GRID2: variants seen among roughly 807,000 people sequenced by gnomAD.
GRID2 encodes the protein glutamate ionotropic receptor delta type subunit 2.
Under a neutral mutation model 114.8 loss-of-function variants are expected in GRID2, and 33 were observed. The observed-to-expected ratio is 0.29, with a 90% confidence interval of 0.22 to 0.38. The LOEUF is 0.38. Among genes scored for constraint, GRID2 ranks in the 10% least tolerant of loss-of-function variants. The pLI, the probability that GRID2 is intolerant of heterozygous loss-of-function variation, is 1.00. For synonymous variants in GRID2, 505 were observed against 449.9 expected, an observed-to-expected ratio of 1.12 and a Z score of -1.55; for missense variants, 1,184 against 1,257.7, an observed-to-expected ratio of 0.94 and a Z score of 0.89.
At chr4:92,918,706 G>T (rs771632496) in intron 2 of GRID2, among the ~76,000 whole-genome samples, 10 of 151,988 alleles carry the variant, frequency 6.6e-5, no homozygotes, top group South Asian at 6.2e-4. Context: ...GAAGCCCACT[G>T]GATCATGGTG....
At chr4:92,569,295 C>T (rs1419498334) in intron 1 of GRID2, among the ~76,000 whole-genome samples, 1 of 152,066 alleles carries the variant, frequency 6.6e-6, no homozygotes. Context: ...ATGCAAATAA[C>T]ATGATCTCAT....
At position 92,994,672 on chromosome 4, in the gene GRID2, T is replaced by A. The variant is rs77395064; in HGVS notation, c.245-90323T>A. Among the ~76,000 whole-genome samples, 368 of 152,256 alleles carry A rather than the reference T, an allele frequency of 2.4e-3. 1 individual carries two copies. The highest frequency in any genetic ancestry group is 0.024 in the Middle Eastern group (7 of 292). ...TTTTACAAGAAAAGCTGGCTCTCAA[T>A]TGATGTTCAACACATGCAACATATA... On this transcript the variant is annotated intron_variant, in intron 2 of 15. Transcript: ENST00000282020.
chr4:92,668,983 C>A (rs62309234), intron 2 of GRID2, among the ~76,000 whole-genome samples: 9,247 of 151,848 alleles, frequency 0.061, 342 homozygotes, highest in East Asian at 0.16. Context: ...ATTTGGTCAT[C>A]ATTAAGAGAT....
At chr4:92,588,310 TAATAA>T (rs1728547347) in intron 1 of GRID2, among the ~76,000 whole-genome samples, 1 of 151,942 alleles carries the variant, frequency 6.6e-6, no homozygotes, top group Admixed American at 6.6e-5. Context: ...TATATTTGAT[TAATAA>T]AATAATAATA....
intron 1 of GRID2, among the ~76,000 whole-genome samples, chr4:92,542,845 A>G (rs1300534580): frequency 5.9e-5 from 9 of 152,160 alleles, no homozygotes; most frequent in Admixed American, 5.9e-4. Flanking sequence ...AACAATCAGA[A>G]GGTAATAATT....
intron 2 of GRID2, among the ~76,000 whole-genome samples, chr4:92,817,091 C>G (rs1740963112): frequency 6.6e-6 from 1 of 152,046 alleles, no homozygotes; most frequent in Non-Finnish European, 1.5e-5. Context: ...CACCATTAAC[C>G]CTACACTACT....
At chr4:92,834,593 G>A (rs1386831512) in intron 2 of GRID2, among the ~76,000 whole-genome samples, 2 of 152,124 alleles carry the variant, frequency 1.3e-5, no homozygotes, top group East Asian at 3.9e-4. Flanking sequence ...GACAGACACA[G>A]TTTATACCCT....
intron 2 of GRID2, among the ~76,000 whole-genome samples, chr4:92,965,474 AAAAAAAAAAAAAAAAC>A (rs1302347533): frequency 3.1e-5 from 4 of 130,904 alleles, no homozygotes; most frequent in African/African-American, 1.1e-4. Context: ...AAAAAAAAAA[AAAAAAAAAAAAAAAAC>A]ACACAACATC....
intron 2 of GRID2, among the ~76,000 whole-genome samples, chr4:92,826,702 TA>T (rs1195930986): frequency 6.6e-6 from 1 of 152,132 alleles, no homozygotes; most frequent in East Asian, 1.9e-4. Context: ...ATTATCTGTA[TA>T]AGATAACCAA....
chr4:93,545,726 T>C (rs1156864940), intron 13 of GRID2, among the ~76,000 whole-genome samples: 1 of 152,154 alleles, frequency 6.6e-6, no homozygotes, highest in African/African-American at 2.4e-5. Context: ...ACTGTATGCA[T>C]ATGTAAAAAT....
intron 2 of GRID2, among the ~76,000 whole-genome samples, chr4:92,669,192 T>C (rs575035470): frequency 1.4e-4 from 22 of 152,002 alleles, no homozygotes; most frequent in Non-Finnish European, 2.9e-4. Flanking sequence ...TATTCATTTT[T>C]ATATTATTAG....
At chr4:93,104,340 G>A (rs571523299) in intron 3 of GRID2, among the ~76,000 whole-genome samples, 25 of 152,032 alleles carry the variant, frequency 1.6e-4, no homozygotes, top group African/African-American at 5.8e-4. Flanking sequence ...AAGTTTTAGG[G>A]TACATGTGCA....
In GRID2 at chr4:93,056,708, T is replaced by C. The variant is rs375826829; in HGVS notation, c.245-28287T>C. 2.0e-4 allele frequency among the ~76,000 whole-genome samples: 31 copies of C among 152,108 alleles called. No individual in the cohort carries two copies. The East Asian group carries it at 5.0e-3, about 25-fold the overall frequency. On this transcript the variant is annotated intron_variant, in intron 2 of 15. Coordinates refer to ENST00000282020, the MANE Select transcript of GRID2 (RefSeq NM_001510.4). The stretch of plus-strand genomic sequence containing the variant: ...GTGCATGATAAATATATGTTTCTCA[T>C]TGATTTCAAACTATTGGGTAAATTA...
intron 15 of GRID2, among the ~76,000 whole-genome samples, chr4:93,769,743 A>AT (rs1367219304): frequency 6.6e-6 from 1 of 152,152 alleles, no homozygotes; most frequent in African/African-American, 2.4e-5. Flanking sequence ...TAATTCAGTG[A>AT]TTTTTAAAGG....
At chr4:93,086,556 T>C (rs1448528507) in intron 3 of GRID2, among the ~76,000 whole-genome samples, 1 of 152,124 alleles carries the variant, frequency 6.6e-6, no homozygotes, top group Non-Finnish European at 1.5e-5. Context: ...AGAGTCTTAT[T>C]AAACTTGGTG....
At chr4:92,987,182 G>A (rs878990670) in intron 2 of GRID2, among the ~76,000 whole-genome samples, 202 of 152,116 alleles carry the variant, frequency 1.3e-3, no homozygotes, top group Admixed American at 0.012. Context: ...CTAAACTTAC[G>A]AGTAAGAAAT....
rs192982292 is a variant in GRID2 at position 93,629,395 on chromosome 4, G to A, written c.2360+2960G>A. On this transcript the variant is annotated intron_variant, in intron 14 of 15. Coordinates refer to ENST00000282020, the MANE Select transcript of GRID2 (RefSeq NM_001510.4). ...AGCCAGGAAAGAAGCAGGACCTGGCGATCATCAGTGTGCCAGCTCCTCTCT... is the reference window on the plus strand; with the variant it reads ...AGCCAGGAAAGAAGCAGGACCTGGCAATCATCAGTGTGCCAGCTCCTCTCT... 5.3e-5 allele frequency among the ~76,000 whole-genome samples: 8 copies of A among 152,212 alleles called. No individual in the cohort carries two copies. In the East Asian group the frequency reaches 1.4e-3, roughly 26 times the overall value.
At chr4:93,645,298 G>A (rs1203158318) in intron 14 of GRID2, among the ~76,000 whole-genome samples, 4 of 152,152 alleles carry the variant, frequency 2.6e-5, no homozygotes, top group African/African-American at 9.7e-5. Flanking sequence ...TGGTTTGAGA[G>A]TGAAAGTGCT....
chr4:92,314,514 A>G (rs1009029278), intron 1 of GRID2, among the ~76,000 whole-genome samples: 1 of 152,072 alleles, frequency 6.6e-6, no homozygotes, highest in African/African-American at 2.4e-5. Context: ...GACAAAAAGG[A>G]TATATGTGTT....
Sources: allele counts gnomAD v4.1 joint callset (sites outside exome capture counted in the v4.1 genomes callset), GRCh38; gene constraint gnomAD v4.1.1; transcripts MANE v1.5; gene names NCBI Gene and HGNC (gene_info 2026-07-23, HGNC 2026-07-21).